The following TNFSF9 variants were observed in gnomAD, a reference collection of about 807,000 sequenced individuals.
The protein encoded by TNFSF9 is TNF superfamily member 9.
In TNFSF9, 10 loss-of-function variants were observed where a neutral mutation model predicts 10.3. The observed-to-expected ratio is 0.97, with a 90% CI of 0.60 to 1.65. TNFSF9 has a LOEUF of 1.65. TNFSF9 is among the 40% of genes most tolerant of loss of function. TNFSF9 has a pLI of 0.00. For missense variants in TNFSF9, 361 were observed against 348.9 expected (o/e 1.03, Z -0.28); for synonymous variants, 195 against 176.1 (o/e 1.11, Z -0.85).
rs774212660 is a variant in TNFSF9, at chr19:6,534,969, G to A, written c.668G>A (p.Arg223His). ...CATCTTCACACTGAGGCCAGGGCAC[G>A]CCATGCCTGGCAGCTTACCCAGGGC... ...GVHLHTEARARHAWQLTQGAT... is the reference protein window; with the variant it reads ...GVHLHTEARAHHAWQLTQGAT... Residue 223 changes from arginine to histidine, a missense_variant, in exon 3 of 3, where the codon CGC (arginine) becomes CAC (histidine). Coordinates refer to ENST00000245817, the MANE Select transcript of TNFSF9 (RefSeq NM_003811.4). 14 of 1,610,800 alleles carry A rather than the reference G, an allele frequency of 8.7e-6. No individual in the cohort carries two copies. Among genetic ancestry groups the A allele is most frequent in the Admixed American group, 6.7e-5 (4 of 59,894 alleles).
At chr19:6,534,438 C>A (rs1016108055) in intron 2 of TNFSF9, among the ~76,000 whole-genome samples, 162 bp from the exon 3 acceptor site, 2 of 146,796 alleles carry the variant, frequency 1.4e-5, no homozygotes, top group Admixed American at 6.8e-5. Flanking sequence ...CCAGGCTCCC[C>A]GCTCTGCTCC....
In TNFSF9 at chr19:6,531,028, T is replaced by C. The variant is rs1407581146; in HGVS notation, c.-9T>C. The stretch of plus-strand genomic sequence containing the variant: ...AGCGGCGCGCTGTGTCTTCCCGCAG[T>C]CTCTCGTCATGGAATACGCCTCTGA... On this transcript the variant is annotated 5_prime_UTR_variant, in exon 1 of 3. Coordinates refer to ENST00000245817, the MANE Select transcript of TNFSF9 (RefSeq NM_003811.4). 7 of 1,607,724 alleles carry C rather than the reference T, an allele frequency of 4.4e-6. No homozygotes were observed. The highest frequency in any genetic ancestry group is 5.9e-6 in the Non-Finnish European group (7 of 1,177,532).
chr19:6,531,081 G>A lies in TNFSF9; in HGVS notation c.45G>A (p.Trp15Ter). The change falls in exon 1 of 3, where the codon TGG (tryptophan) becomes TGA (stop). Residue 15 changes from tryptophan to a stop codon, truncating the protein, a stop_gained. Coordinates refer to ENST00000245817, the MANE Select transcript of TNFSF9 (RefSeq NM_003811.4). LOFTEE classifies it high-confidence loss of function. ...CTTCACTGGACCCCGAAGCCCCGTG[G>A]CCTCCCGCGCCCCGCGCTCGCGCCT... ...SDASLDPEAP[W>*]PPAPRARACR... The A allele has an allele frequency of 6.2e-7, 1 of 1,610,936 alleles. No individual in the cohort carries two copies. Among genetic ancestry groups the A allele is most frequent in the Non-Finnish European group, 8.5e-7 (1 of 1,179,038 alleles).
rs534274824 is a variant in TNFSF9, at chr19:6,535,272, A to AATATATTAT, written c.*222_*230dup. On this transcript the variant is annotated 3_prime_UTR_variant, in exon 3 of 3. Transcript: ENST00000245817. ...ATTTATTCTGAGCCTGAGCTCAGAT[A>AATATATTAT]ATATATTATATATATTATATATATA... is the stretch of plus-strand genomic sequence containing the variant. The AATATATTAT allele has an allele frequency of 4.6e-6, 1 of 216,292 alleles. No homozygotes were observed. The highest frequency in any genetic ancestry group is 8.9e-6 in the Non-Finnish European group (1 of 112,964). 13.4% of individuals were successfully genotyped at this position (216,292 alleles called of 1,614,324 possible).
Position 6,534,948 on chromosome 19 carries a change from T to C in TNFSF9, c.647T>C (p.Leu216Pro), listed in dbSNP as rs1568421024. The C allele has an allele frequency of 6.2e-7, 1 of 1,611,414 alleles. No homozygotes were observed. The highest frequency in any genetic ancestry group is 8.5e-7 in the Non-Finnish European group (1 of 1,179,640). Residue 216 changes from leucine to proline, a missense_variant, in exon 3 of 3, where the codon CTT (leucine) becomes CCT (proline). Coordinates refer to ENST00000245817, the MANE Select transcript of TNFSF9 (RefSeq NM_003811.4). Reference sequence around the variant, plus strand: ...GCCGGCCAGCGCCTGGGCGTCCATCTTCACACTGAGGCCAGGGCACGCCAT... The same window carrying C: ...GCCGGCCAGCGCCTGGGCGTCCATCCTCACACTGAGGCCAGGGCACGCCAT... ...LSAGQRLGVH[L>P]HTEARARHAW... is the part of the protein sequence containing the mutation.
intron 1 of TNFSF9, 102 bp from the exon 2 acceptor site, chr19:6,532,684 C>T (rs1054293689): frequency 2.0e-6 from 3 of 1,534,748 alleles, no homozygotes; most frequent in Middle Eastern, 1.7e-4. Flanking sequence ...GGCTTCAGGT[C>T]GGCACAGACT....
rs62109503 is a variant in TNFSF9, at chr19:6,532,507, G to A, written c.268-279G>A. On this transcript the variant is annotated intron_variant, in intron 1 of 2. Coordinates refer to ENST00000245817, the MANE Select transcript of TNFSF9 (RefSeq NM_003811.4). ...TGTGTGTGTTCGTGTGGGTGTTTGT[G>A]TGTGTTTGTGTTTGCGTTCGTGTGT... Among the ~76,000 whole-genome samples, 1,136 of 151,040 alleles carry A rather than the reference G, an allele frequency of 7.5e-3. 8 individuals carry two copies. Among genetic ancestry groups the A allele is most frequent in the South Asian group, 0.029 (139 of 4,790 alleles).
At chr19:6,534,478 C>T (rs951486140) in intron 2 of TNFSF9, 122 bp from the exon 3 acceptor site, 17 of 952,608 alleles carry the variant, frequency 1.8e-5, no homozygotes, top group South Asian at 3.4e-5. Flanking sequence ...CGCCATTCCC[C>T]GCCCCCCGGC....
In TNFSF9 at chr19:6,535,850, G is replaced by A. The variant is rs910696858; in HGVS notation, c.*784G>A. On this transcript the variant is annotated 3_prime_UTR_variant, in exon 3 of 3. Transcript: ENST00000245817. The stretch of plus-strand genomic sequence containing the variant: ...TTGGCTAACTTTTTAATTTTTTTGC[G>A]GAGACGGTATTGCTATGTTGCCAAG... The A allele has an allele frequency of 7.2e-5, 11 of 151,994 alleles. No homozygotes were observed. Among genetic ancestry groups the A allele is most frequent in the South Asian group, 2.1e-4 (1 of 4,818 alleles). The allele number at this position is 151,994 out of a possible 1,614,324, so 9.4% of individuals were successfully genotyped here.
chr19:6,531,530 G>A (rs1915146951), intron 1 of TNFSF9, among the ~76,000 whole-genome samples: 1 of 151,932 alleles, frequency 6.6e-6, no homozygotes, highest in Non-Finnish European at 1.5e-5. Flanking sequence ...GCCGGGGGCG[G>A]GGAGGAGACC....
rs1216405058 is a variant in TNFSF9, at chr19:6,535,078, G to T, written c.*12G>T. On this transcript the variant is annotated 3_prime_UTR_variant, in exon 3 of 3. Transcript: ENST00000245817. ...CGAGGTCGGAATAACGTCCAGCCTG[G>T]GTGCAGCCCACCTGGACAGAGTCCG... 1.3e-6 allele frequency: 2 copies of T among 1,529,628 alleles called. No individual in the cohort carries two copies. The highest frequency in any genetic ancestry group is 1.8e-6 in the Non-Finnish European group (2 of 1,137,940). The allele number at this position is 1,529,628 out of a possible 1,614,324, so 94.8% of individuals were successfully genotyped here.
rs201304601 is a variant in TNFSF9, at chr19:6,534,926, G to A, written c.625G>A (p.Gly209Ser). The part of the protein sequence containing the change: ...FQGRLLHLSA[G>S]QRLGVHLHTE... The stretch of plus-strand genomic sequence containing the variant: ...GGGCCGCTTGCTGCACCTGAGTGCC[G>A]GCCAGCGCCTGGGCGTCCATCTTCA... Residue 209 changes from glycine to serine, a missense_variant, in exon 3 of 3, where the codon GGC becomes AGC. Transcript: ENST00000245817. 25 of 1,609,898 alleles carry A rather than the reference G, an allele frequency of 1.6e-5. No homozygotes were observed. Among genetic ancestry groups the A allele is most frequent in the Admixed American group, 1.0e-4 (6 of 59,920 alleles).
At chr19:6,532,266 CGTGT>C (rs3043218) in intron 1 of TNFSF9, among the ~76,000 whole-genome samples, 3,076 of 139,652 alleles carry the variant, frequency 0.022, 46 homozygotes, top group African/African-American at 0.033. Context: ...CCACCAGCTT[CGTGT>C]GTGTGTGTGT....
chr19:6,532,658 A>T, intron 1 of TNFSF9, 128 bp from the exon 2 acceptor site: 1 of 1,240,924 alleles, frequency 8.1e-7, no homozygotes, highest in Non-Finnish European at 1.2e-6. Flanking sequence ...TTTAGTTGGG[A>T]GGGAAGGGAA....
intron 1 of TNFSF9, among the ~76,000 whole-genome samples, chr19:6,532,165 C>A (rs1915159470): frequency 1.3e-5 from 2 of 152,190 alleles, no homozygotes; most frequent in African/African-American, 2.4e-5. Context: ...CTTTCAAGAC[C>A]CCCAGGGGAA....
rs963856734 is a variant in TNFSF9, at chr19:6,531,053, A to T, written c.17A>T (p.Asp6Val). ...TCTCTCGTCATGGAATACGCCTCTG[A>T]CGCTTCACTGGACCCCGAAGCCCCG... MEYAS[D>V]ASLDPEAPWP... The change falls in exon 1 of 3, where the codon GAC (aspartate) becomes GTC (valine). Residue 6 changes from aspartate (D) to valine (V), a missense_variant. Transcript: ENST00000245817. The T allele has an allele frequency of 6.2e-7, 1 of 1,611,052 alleles. No individual in the cohort carries two copies. The highest frequency in any genetic ancestry group is 8.5e-7 in the Non-Finnish European group (1 of 1,179,004).
intron 2 of TNFSF9, among the ~76,000 whole-genome samples, chr19:6,533,316 A>G (rs1158490079): frequency 1.7e-5 from 1 of 60,046 alleles, no homozygotes; most frequent in Admixed American, 1.8e-4. Flanking sequence ...CCTTCCCCAA[A>G]CCCTCCCCAG....
intron 2 of TNFSF9, among the ~76,000 whole-genome samples, chr19:6,534,231 T>C (rs1915215364): frequency 6.6e-6 from 1 of 151,082 alleles, no homozygotes; most frequent in Non-Finnish European, 1.5e-5. Flanking sequence ...CCTGCATGTC[T>C]TTCCCCGCAC....
chr19:6,531,386 C>A (rs1045198279), intron 1 of TNFSF9, 83 bp downstream of exon 1: 6 of 1,370,358 alleles, frequency 4.4e-6, no homozygotes, highest in Admixed American at 3.8e-5. Flanking sequence ...CCTCCCGCAC[C>A]CCCAGGGACA....
Sources: gnomAD v4.1 joint callset for allele counts (sites outside exome capture counted in the v4.1 genomes callset) on GRCh38, gnomAD v4.1.1 for gene constraint, MANE v1.5 for transcripts, NCBI Gene and HGNC (gene_info 2026-07-23, HGNC 2026-07-21) for gene names.